SUCLA2: variants seen among roughly 807,000 people sequenced by gnomAD.
The protein encoded by SUCLA2 is succinate--CoA ligase [ADP-forming] subunit beta, mitochondrial.
In SUCLA2, 30 loss-of-function variants were observed where a neutral mutation model predicts 54.8. The observed-to-expected ratio is 0.55, with a 90% confidence interval of 0.41 to 0.74. The LOEUF is 0.74. SUCLA2 is among the 30% of genes least tolerant of loss of function. The pLI, the probability that SUCLA2 is intolerant of heterozygous loss-of-function variation, is 0.00. For missense variants in SUCLA2, 476 were observed against 562.9 expected, an observed-to-expected ratio of 0.85 and a Z score of 1.56; for synonymous variants, 172 against 188.9, an observed-to-expected ratio of 0.91 and a Z score of 0.74.
At chr13:47,961,140 T>C (rs113589183) in intron 6 of SUCLA2, among the ~76,000 whole-genome samples, 2,206 of 152,256 alleles carry the variant, frequency 0.014, 61 homozygotes, top group African/African-American at 0.051. Flanking sequence ...TAAAATTAGA[T>C]AGATTTGTTT....
At chr13:47,984,243 G>T (rs1024906581) in intron 4 of SUCLA2, among the ~76,000 whole-genome samples, 2 of 151,266 alleles carry the variant, frequency 1.3e-5, no homozygotes, top group African/African-American at 4.9e-5. Context: ...ACCCAGGCTG[G>T]AGTGCAGTGG....
intron 10 of SUCLA2, among the ~76,000 whole-genome samples, chr13:47,943,864 T>C (rs73487297): frequency 0.066 from 10,019 of 151,400 alleles, 633 homozygotes; most frequent in East Asian, 0.18. Context: ...TAAGTAAAAA[T>C]TTGTTTTGAA....
chr13:47,959,949 T>A (rs1364269459), intron 6 of SUCLA2, among the ~76,000 whole-genome samples: 2 of 152,198 alleles, frequency 1.3e-5, no homozygotes, highest in African/African-American at 2.4e-5. Context: ...TGGATACTGC[T>A]GGAGTATTTA....
rs11445752 is a variant in SUCLA2 at position 47,989,213 on chromosome 13, CT to C, written c.272-233del. ...ATTCGTCACTTACATTAAACCATTT[CT>C]TTTTTTTTTTTTTTGAAACAGAGTC... On this transcript the variant is annotated intron_variant, in intron 2 of 10. Coordinates refer to ENST00000646932, the MANE Select transcript of SUCLA2 (RefSeq NM_003850.3). Among the ~76,000 whole-genome samples the C allele has an allele frequency of 0.051, 7,304 of 143,566 alleles. 512 individuals are homozygous for C. The highest frequency in any genetic ancestry group is 0.17 in the African/African-American group (6,741 of 39,076). The allele number at this position is 143,566 out of a possible 152,430, so 94.2% of individuals were successfully genotyped here. A position where few individuals can be genotyped will look rare whatever the true frequency, so the allele number is the denominator to read the frequency against.
chr13:47,965,050 C>T (rs1454957791), intron 6 of SUCLA2, among the ~76,000 whole-genome samples: 2 of 149,420 alleles, frequency 1.3e-5, no homozygotes, highest in African/African-American at 4.9e-5. Context: ...AAATCTGGGA[C>T]AGTCTGCGTA....
At chr13:47,974,339 A>G (rs1052337334) in intron 4 of SUCLA2, among the ~76,000 whole-genome samples, 3 of 152,224 alleles carry the variant, frequency 2.0e-5, no homozygotes, top group Non-Finnish European at 4.4e-5. Context: ...TAATCACAGC[A>G]CTTCGGGACG....
chr13:47,994,073 G>A (rs371937145), intron 2 of SUCLA2, among the ~76,000 whole-genome samples: 2 of 126,922 alleles, frequency 1.6e-5, no homozygotes, highest in Non-Finnish European at 3.5e-5. Flanking sequence ...AAAAAAAAAA[G>A]AGTTTTTATG....
intron 6 of SUCLA2, among the ~76,000 whole-genome samples, chr13:47,968,067 A>G (rs1389954370): frequency 6.6e-6 from 1 of 152,214 alleles, no homozygotes; most frequent in Non-Finnish European, 1.5e-5. Context: ...TGCAAAATGT[A>G]TATAGTATGC....
intron 8 of SUCLA2, among the ~76,000 whole-genome samples, chr13:47,949,974 C>T (rs1384723494): frequency 3.3e-5 from 5 of 152,218 alleles, no homozygotes; most frequent in African/African-American, 4.8e-5. Context: ...TAGTGTTTGT[C>T]ACCTATCATT....
intron 6 of SUCLA2, among the ~76,000 whole-genome samples, chr13:47,965,319 G>C (rs1424634765): frequency 6.6e-6 from 1 of 151,450 alleles, no homozygotes. Flanking sequence ...AATGAAAAAA[G>C]CTTCTGGAAA....
At chr13:47,977,298 T>A (rs1232779568) in intron 4 of SUCLA2, among the ~76,000 whole-genome samples, 1 of 152,090 alleles carries the variant, frequency 6.6e-6, no homozygotes, top group Non-Finnish European at 1.5e-5. Context: ...ATCAAAAACT[T>A]CTAAGCAACA....
Position 47,954,619 on chromosome 13 carries a change from T to C in SUCLA2, c.803-62A>G, listed in dbSNP as rs984752114. ...AAGACAGATACAATAAAGTATCAAA[T>C]AGTCAAATGGTCTTTCATTTAGGGA... is the stretch of plus-strand genomic sequence containing the variant. On this transcript the variant is annotated intron_variant, in intron 6 of 10. Coordinates refer to ENST00000646932, the MANE Select transcript of SUCLA2 (RefSeq NM_003850.3). 9.1e-6 allele frequency: 14 copies of C among 1,536,352 alleles called. No homozygotes were observed. The African/African-American group carries it at 1.2e-4, about 13-fold the overall frequency.
chr13:47,979,020 T>C (rs1404727748), intron 4 of SUCLA2, among the ~76,000 whole-genome samples: 3 of 152,198 alleles, frequency 2.0e-5, no homozygotes, highest in Non-Finnish European at 4.4e-5. Flanking sequence ...AAACAACAGA[T>C]GCTGGAGAGA....
intron 10 of SUCLA2, among the ~76,000 whole-genome samples, chr13:47,946,133 T>A (rs1409504943): frequency 6.6e-6 from 1 of 152,222 alleles, no homozygotes; most frequent in Non-Finnish European, 1.5e-5. Flanking sequence ...CAATAAGATA[T>A]TTTGAGAGAC....
intron 4 of SUCLA2, among the ~76,000 whole-genome samples, chr13:47,980,658 A>C (rs1400940114): frequency 6.6e-6 from 1 of 152,060 alleles, no homozygotes; most frequent in East Asian, 1.9e-4. Context: ...AGAAAAAAAA[A>C]GAAACTAGAG....
chr13:47,963,571 G>C (rs749088493), intron 6 of SUCLA2, among the ~76,000 whole-genome samples: 1 of 152,136 alleles, frequency 6.6e-6, no homozygotes, highest in African/African-American at 2.4e-5. Context: ...CCTGAACCCG[G>C]GAGGCGGAGG....
In SUCLA2 at chr13:47,975,683, C is replaced by T. The variant is rs141858883; in HGVS notation, c.535-2291G>A. On this transcript the variant is annotated intron_variant, in intron 4 of 10. Coordinates refer to ENST00000646932, the MANE Select transcript of SUCLA2 (RefSeq NM_003850.3). The stretch of plus-strand genomic sequence containing the variant: ...GTACCATGTATTCGATTTCTGTATA[C>T]ATTTGTAACAAGGAATTCGGATGAC... Among the ~76,000 whole-genome samples, 895 of 152,246 alleles carry T rather than the reference C, an allele frequency of 5.9e-3. 8 individuals are homozygous for T. The highest frequency in any genetic ancestry group is 0.048 in the Middle Eastern group (14 of 294).
chr13:47,945,643 GACACACACACACACACAC>G (rs773399228), intron 10 of SUCLA2: 5 of 111,588 alleles, frequency 4.5e-5, no homozygotes, highest in East Asian at 5.2e-4. Flanking sequence ...GGAAAAGGGA[GACACACACACACACACAC>G]ACACACACAC....
intron 10 of SUCLA2, among the ~76,000 whole-genome samples, chr13:47,946,580 GT>G (rs750584966): frequency 4.4e-5 from 6 of 137,904 alleles, no homozygotes; most frequent in Admixed American, 7.2e-5. Context: ...AAAAGGTTGT[GT>G]TTTTTTTTTT....
Sources: allele counts gnomAD v4.1 joint callset (sites outside exome capture counted in the v4.1 genomes callset), GRCh38; gene constraint gnomAD v4.1.1; transcripts MANE v1.5; gene names NCBI Gene and HGNC (gene_info 2026-07-23, HGNC 2026-07-21).